The following MAP2 variants were observed in gnomAD, a reference collection of about 807,000 sequenced individuals.
The protein encoded by MAP2 is microtubule-associated protein 2.
Under a neutral mutation model 137.6 loss-of-function variants are expected in MAP2, and 14 were observed. That is an observed-to-expected ratio of 0.10 (90% CI 0.07 to 0.16). The LOEUF is 0.16. Among genes scored for constraint, MAP2 ranks in the 10% least tolerant of loss-of-function variants. MAP2 has a pLI of 1.00. For missense variants in MAP2, 2,088 were observed against 2,191.5 expected (o/e 0.95, Z 0.94); for synonymous variants, 786 against 782.3 (o/e 1.00, Z -0.08).
intron 4 of MAP2, among the ~76,000 whole-genome samples, chr2:209,640,218 T>C (rs1235790358): frequency 2.6e-5 from 4 of 152,054 alleles, no homozygotes; most frequent in Non-Finnish European, 4.4e-5. Context: ...CATCACAGCA[T>C]GTACCACACT....
chr2:209,432,231 C>A (rs1398585970), intron 1 of MAP2, among the ~76,000 whole-genome samples: 2 of 152,138 alleles, frequency 1.3e-5, no homozygotes, highest in African/African-American at 4.8e-5. Flanking sequence ...AAGAAGTAAG[C>A]TAGAAAGGCT....
At chr2:209,566,963 G>T (rs2073558907) in intron 2 of MAP2, among the ~76,000 whole-genome samples, 1 of 152,104 alleles carries the variant, frequency 6.6e-6, no homozygotes, top group Non-Finnish European at 1.5e-5. Flanking sequence ...AGAAAAATCT[G>T]TTTTTGAGGC....
chr2:209,503,292 C>T (rs370409003), intron 1 of MAP2, among the ~76,000 whole-genome samples: 8 of 152,044 alleles, frequency 5.3e-5, no homozygotes, highest in Admixed American at 1.3e-4. Flanking sequence ...TGAGCCCCCA[C>T]GCCCAGCCCT....
chr2:209,619,371 ACAT>A (rs1177017678), intron 3 of MAP2, among the ~76,000 whole-genome samples: 1 of 152,150 alleles, frequency 6.6e-6, no homozygotes, highest in Non-Finnish European at 1.5e-5. Context: ...ATATTTCAAA[ACAT>A]CATATTATAC....
chr2:209,656,238 G>C (rs1331991289), intron 5 of MAP2, among the ~76,000 whole-genome samples: 1 of 152,126 alleles, frequency 6.6e-6, no homozygotes, highest in Non-Finnish European at 1.5e-5. Context: ...TAAATTGGCT[G>C]GGTGCAGTGG....
chr2:209,646,737 G>A (rs1239208343), intron 4 of MAP2, among the ~76,000 whole-genome samples: 1 of 152,084 alleles, frequency 6.6e-6, no homozygotes, highest in African/African-American at 2.4e-5. Flanking sequence ...TAGTACCCAT[G>A]TTTTATAGTG....
At position 209,481,590 on chromosome 2, in the gene MAP2, G is replaced by A. The variant is rs148336372; in HGVS notation, c.-221-26002G>A. Among the ~76,000 whole-genome samples the A allele has an allele frequency of 9.3e-4, 142 of 152,264 alleles. 1 individual carries two copies. The highest frequency in any genetic ancestry group is 3.3e-3 in the African/African-American group (137 of 41,556). On this transcript the variant is annotated intron_variant, in intron 1 of 15. Transcript: ENST00000682079. ...AGGCTGGGGTAGGATTGGACTGTGT[G>A]TGGTCAACCACATCTAAATCACATA...
chr2:209,441,833 G>A (rs1022062162), intron 1 of MAP2, among the ~76,000 whole-genome samples: 3 of 151,576 alleles, frequency 2.0e-5, no homozygotes, highest in Non-Finnish European at 4.4e-5. Context: ...ACTGTGCATG[G>A]AACTTAGGAA....
chr2:209,444,475 T>C (rs566378587), intron 1 of MAP2, among the ~76,000 whole-genome samples: 1 of 151,652 alleles, frequency 6.6e-6, no homozygotes, highest in East Asian at 1.9e-4. Context: ...TCCAATTAGA[T>C]TCAGTAAGTC....
At chr2:209,714,028 C>T (rs1391060698) in intron 13 of MAP2, among the ~76,000 whole-genome samples, 1 of 149,958 alleles carries the variant, frequency 6.7e-6, no homozygotes, top group Admixed American at 6.6e-5. Context: ...CCCGTCCCTA[C>T]TAAAAGTACA....
At chr2:209,582,005 A>G (rs1262024457) in intron 3 of MAP2, among the ~76,000 whole-genome samples, 1 of 152,110 alleles carries the variant, frequency 6.6e-6, no homozygotes, top group Admixed American at 6.6e-5. Context: ...TCTGGGACCT[A>G]TATCATGGTT....
At chr2:209,426,066 G>A (rs144806335) in intron 1 of MAP2, among the ~76,000 whole-genome samples, 1 of 152,058 alleles carries the variant, frequency 6.6e-6, no homozygotes, top group Non-Finnish European at 1.5e-5. Context: ...TGATTTCCTG[G>A]TAATTTCATC....
intron 1 of MAP2, among the ~76,000 whole-genome samples, chr2:209,437,668 A>G (rs1696677202): frequency 6.6e-6 from 1 of 151,648 alleles, no homozygotes. Context: ...CCTGAAAACA[A>G]AAACTTACTA....
chr2:209,591,301 A>G (rs2079170814), intron 3 of MAP2, among the ~76,000 whole-genome samples: 1 of 152,240 alleles, frequency 6.6e-6, no homozygotes, highest in African/African-American at 2.4e-5. Context: ...AGCTACTGAC[A>G]TCTAATGATT....
At chr2:209,687,536 G>A (rs2057412312) in intron 7 of MAP2, among the ~76,000 whole-genome samples, 1 of 152,128 alleles carries the variant, frequency 6.6e-6, no homozygotes, top group African/African-American at 2.4e-5. Context: ...AGCAGTTACT[G>A]AGGCATGAAA....
chr2:209,451,998 C>T (rs1319265584), intron 1 of MAP2, among the ~76,000 whole-genome samples: 1 of 152,184 alleles, frequency 6.6e-6, no homozygotes, highest in Non-Finnish European at 1.5e-5. Context: ...TCATCTTTCT[C>T]TCTTTTCAAT....
chr2:209,652,187 A>G (rs1385751711), intron 4 of MAP2, among the ~76,000 whole-genome samples: 1 of 152,188 alleles, frequency 6.6e-6, no homozygotes, highest in Non-Finnish European at 1.5e-5. Flanking sequence ...AGAGAAGGTC[A>G]TGCAGTATCT....
chr2:209,552,621 G>A (rs2069447713), intron 2 of MAP2, among the ~76,000 whole-genome samples: 1 of 152,102 alleles, frequency 6.6e-6, no homozygotes, highest in Non-Finnish European at 1.5e-5. Flanking sequence ...CCAGCACTTT[G>A]GGAGGCCGAG....
chr2:209,481,379 C>T (rs1708731040), intron 1 of MAP2, among the ~76,000 whole-genome samples: 1 of 152,200 alleles, frequency 6.6e-6, no homozygotes, highest in African/African-American at 2.4e-5. Flanking sequence ...TCTGAAGGGG[C>T]CCAACTACTG....
Sources: gnomAD v4.1 joint callset for allele counts (sites outside exome capture counted in the v4.1 genomes callset) on GRCh38, gnomAD v4.1.1 for gene constraint, MANE v1.5 for transcripts, NCBI Gene and HGNC (gene_info 2026-07-23, HGNC 2026-07-21) for gene names.